GNAO1: variants seen among roughly 807,000 people sequenced by gnomAD.
GNAO1 encodes G protein subunit alpha o1.
For missense variants in GNAO1, 166 were observed against 478.7 expected (o/e 0.35, Z 6.10); for synonymous variants, 164 against 180.7 (o/e 0.91, Z 0.74).
chr16:56,320,538 C>T (rs536438596), intron 3 of GNAO1, among the ~76,000 whole-genome samples: 15 of 152,182 alleles, frequency 9.9e-5, no homozygotes, highest in Non-Finnish European at 2.1e-4. Context: ...CTGAAGCCCG[C>T]AGAAAGCTGC....
chr16:56,345,111 G>A, intron 6 of GNAO1: 1 of 985,672 alleles, frequency 1.0e-6, no homozygotes, highest in Non-Finnish European at 1.2e-6. Context: ...AGGCTTCACT[G>A]CGGAGATCCC....
At chr16:56,241,841 C>G (rs2143429011) in intron 2 of GNAO1, among the ~76,000 whole-genome samples, 1 of 152,308 alleles carries the variant, frequency 6.6e-6, no homozygotes, top group East Asian at 1.9e-4. Flanking sequence ...ACAAGGAGGT[C>G]CCAGTTACGA....
intron 2 of GNAO1, among the ~76,000 whole-genome samples, chr16:56,269,748 C>G (rs2036996594): frequency 6.6e-6 from 1 of 152,194 alleles, no homozygotes; most frequent in Admixed American, 6.5e-5. Context: ...AGTGAAAAAC[C>G]ATGTATCCCA....
Position 56,326,258 on chromosome 16 carries a change from G to T in GNAO1, c.304-2373G>T, listed in dbSNP as rs1340615327. 6.6e-6 allele frequency among the ~76,000 whole-genome samples: 1 copy of T among 152,182 alleles called. No homozygotes were observed. Among genetic ancestry groups the T allele is most frequent in the Admixed American group, 6.5e-5 (1 of 15,286 alleles). ...CAGGGGTGTTCTCAGGACCTGCTAG[G>T]ATTCAGCCAGGAATAGAGGGGCCAC... On this transcript the variant is annotated intron_variant, in intron 3 of 8. Transcript: ENST00000262493. This position sits in a 1 kb window ranked among gnomAD's most constrained non-coding sequence, Gnocchi z 4.8.
In GNAO1 at chr16:56,191,791, G is replaced by A; in HGVS notation, c.-445G>A. 2 of 211,516 alleles carry A rather than the reference G, an allele frequency of 9.5e-6. No homozygotes were observed. The highest frequency in any genetic ancestry group is 1.9e-5 in the Non-Finnish European group (2 of 107,194). The allele number at this position is 211,516 out of a possible 1,614,324, so 13.1% of individuals were successfully genotyped here. On this transcript the variant is annotated 5_prime_UTR_variant, in exon 1 of 9. Coordinates refer to ENST00000262493, the MANE Select transcript of GNAO1 (RefSeq NM_020988.3). The surrounding 1 kb of genome is among the most constrained non-coding windows in gnomAD (Gnocchi z 4.7). ...CTCCTCCACCTCCTCCTCCGCCGCC[G>A]CCGCCTCCTCCTCCTCCGGCAGCCG...
intron 6 of GNAO1, chr16:56,340,795 A>AT (rs1394428778): frequency 6.3e-7 from 1 of 1,598,378 alleles, no homozygotes; most frequent in Admixed American, 1.7e-5. Flanking sequence ...AGGGCCCTGG[A>AT]TGCTGCCGCC....
At chr16:56,208,466 T>C (rs546411659) in intron 2 of GNAO1, among the ~76,000 whole-genome samples, 5,545 of 149,612 alleles carry the variant, frequency 0.037, 264 homozygotes, top group African/African-American at 0.11. Flanking sequence ...CGCGCACGTG[T>C]GTGTGTGTGT....
intron 2 of GNAO1, among the ~76,000 whole-genome samples, chr16:56,274,531 G>A (rs1233681284): frequency 6.6e-6 from 1 of 151,838 alleles, no homozygotes; most frequent in African/African-American, 2.4e-5. Context: ...GTCAACTGAT[G>A]ACTGGATAAA....
intron 2 of GNAO1, among the ~76,000 whole-genome samples, chr16:56,229,443 A>G (rs1014188060): frequency 2.0e-5 from 3 of 152,080 alleles, no homozygotes; most frequent in Admixed American, 6.5e-5. Flanking sequence ...CCTGACTTCA[A>G]GTGATCCACC....
chr16:56,320,997 A>G (rs2037566203), intron 3 of GNAO1, among the ~76,000 whole-genome samples: 1 of 152,188 alleles, frequency 6.6e-6, no homozygotes, highest in African/African-American at 2.4e-5. Flanking sequence ...TACCAGTCCC[A>G]TGGGAGAGAG....
chr16:56,355,123 C>T (rs2037955590), intron 8 of GNAO1, 42 bp downstream of exon 8: 1 of 759,926 alleles, frequency 1.3e-6, no homozygotes, highest in East Asian at 2.6e-5. Context: ...CGTGCGCGCG[C>T]ATACACACAC....
intron 1 of GNAO1, 58 bp from the exon 2 acceptor site, chr16:56,192,516 C>A (rs367670802): frequency 8.9e-7 from 1 of 1,119,278 alleles, no homozygotes; most frequent in Non-Finnish European, 1.4e-6. Context: ...TCCCCCCCTC[C>A]CCCTGTTCCC....
At chr16:56,241,339 G>A (rs544703730) in intron 2 of GNAO1, among the ~76,000 whole-genome samples, 22 of 152,278 alleles carry the variant, frequency 1.4e-4, no homozygotes, top group East Asian at 1.2e-3. Flanking sequence ...CAGCACTAGC[G>A]ATGCAGCACT....
chr16:56,275,589 C>T (rs753241399), intron 2 of GNAO1, among the ~76,000 whole-genome samples: 1 of 152,042 alleles, frequency 6.6e-6, no homozygotes, highest in Non-Finnish European at 1.5e-5. Flanking sequence ...AAGTTGGGAC[C>T]CCGAACTTTG....
At chr16:56,320,056 G>A (rs1238280800) in intron 3 of GNAO1, among the ~76,000 whole-genome samples, 3 of 152,216 alleles carry the variant, frequency 2.0e-5, no homozygotes, top group Non-Finnish European at 2.9e-5. Flanking sequence ...TGTTCATGCT[G>A]TCTTTAAATC....
chr16:56,293,187 A>G (rs2037249130), intron 3 of GNAO1, among the ~76,000 whole-genome samples: 1 of 152,226 alleles, frequency 6.6e-6, no homozygotes, highest in Admixed American at 6.5e-5. Flanking sequence ...AAGAGATGAA[A>G]TACTTTTGTC....
chr16:56,242,933 C>T (rs2036708399), intron 2 of GNAO1, among the ~76,000 whole-genome samples: 1 of 152,168 alleles, frequency 6.6e-6, no homozygotes, highest in Non-Finnish European at 1.5e-5. Flanking sequence ...TCTGTATTTA[C>T]AGCCGCTCCC....
intron 6 of GNAO1, among the ~76,000 whole-genome samples, chr16:56,350,149 C>A (rs1455270333): frequency 1.3e-5 from 2 of 152,128 alleles, no homozygotes; most frequent in Non-Finnish European, 2.9e-5. Context: ...TTCCTCAGCA[C>A]CCACGGTGTG....
chr16:56,339,768 C>G (rs1454582054), intron 6 of GNAO1: 1 of 153,144 alleles, frequency 6.5e-6, no homozygotes, highest in African/African-American at 2.4e-5. Flanking sequence ...CCACTGCCTG[C>G]AGGGCCTTAT....
Sources: gnomAD v4.1 joint callset for allele counts (sites outside exome capture counted in the v4.1 genomes callset) on GRCh38, gnomAD v4.1.1 for gene constraint, Gnocchi (gnomAD v3.1) non-coding constraint, MANE v1.5 for transcripts, NCBI Gene and HGNC (gene_info 2026-07-23, HGNC 2026-07-21) for gene names.